PTPN5: variants seen among roughly 807,000 people sequenced by gnomAD.
PTPN5 encodes the protein tyrosine-protein phosphatase non-receptor type 5.
PTPN5 carries 29 observed loss-of-function variants against 73.9 expected under a neutral mutation model. The ratio of observed to expected loss-of-function variants is 0.39; its 90% CI spans 0.29 to 0.54. The LOEUF (loss-of-function observed/expected upper bound fraction) is 0.54, where lower values mean the gene tolerates loss of function less well. PTPN5 is among the 20% of genes least tolerant of loss of function. The pLI, the probability that PTPN5 is intolerant of heterozygous loss-of-function variation, is 0.65. For synonymous variants in PTPN5, 267 were observed against 304.7 expected (o/e 0.88, Z 1.29); for missense variants, 652 against 751.4 (o/e 0.87, Z 1.55).
intron 1 of PTPN5, among the ~76,000 whole-genome samples, chr11:18,790,116 CCAGGCAT>C (rs1212717605): frequency 5.3e-5 from 8 of 151,886 alleles, no homozygotes; most frequent in Non-Finnish European, 1.2e-4. Flanking sequence ...CCTCTCTGCA[CCAGGCAT>C]CAGGCTCAGC....
chr11:18,742,246 C>T lies in PTPN5; in HGVS notation c.725+16G>A, dbSNP rs1849395416. 15 of 1,613,522 alleles carry T rather than the reference C, an allele frequency of 9.3e-6. No individual in the cohort carries two copies. Among genetic ancestry groups the T allele is most frequent in the Non-Finnish European group, 1.1e-5 (13 of 1,179,548 alleles). The stretch of plus-strand genomic sequence containing the variant: ...TCAAGGGCCCGTGGAGCCCACCCCT[C>T]CTCCACCCCTCCCACCTCTCCTGCA... On this transcript the variant is annotated intron_variant, in intron 7 of 14. Coordinates refer to ENST00000358540, the MANE Select transcript of PTPN5 (RefSeq NM_006906.2). This position sits in a 1 kb window ranked among gnomAD's most constrained non-coding sequence, Gnocchi z 4.1.
In PTPN5 at chr11:18,748,931, G is replaced by A. The variant is rs377032179; in HGVS notation, c.98-4732C>T. Reference sequence around the variant, plus strand: ...CACGGACCACTGTGGTCCTAGGCCCGTTTGTTCTTTTGGGCTCTGTCCTGC... The same window carrying A: ...CACGGACCACTGTGGTCCTAGGCCCATTTGTTCTTTTGGGCTCTGTCCTGC... On this transcript the variant is annotated intron_variant, in intron 3 of 14. Coordinates refer to ENST00000358540, the MANE Select transcript of PTPN5 (RefSeq NM_006906.2). Among the ~76,000 whole-genome samples, 144 of 152,280 alleles carry A rather than the reference G, an allele frequency of 9.5e-4. 1 individual carries two copies. The highest frequency in any genetic ancestry group is 3.4e-3 in the African/African-American group (140 of 41,548).
Position 18,742,206 on chromosome 11 carries a change from T to C in PTPN5, c.725+56A>G. On this transcript the variant is annotated intron_variant, in intron 7 of 14. Transcript: ENST00000358540. The surrounding 1 kb of genome is among the most constrained non-coding windows in gnomAD (Gnocchi z 4.1). ...CAGAGTCAGGCATCCACTCTTCTGA[T>C]CAGGAGCTAAGAGCTCAAGGGCCCG... is the stretch of plus-strand genomic sequence containing the variant. The C allele has an allele frequency of 6.2e-7, 1 of 1,604,484 alleles. No homozygotes were observed. The highest frequency in any genetic ancestry group is 8.5e-7 in the Non-Finnish European group (1 of 1,174,598).
intron 3 of PTPN5, among the ~76,000 whole-genome samples, chr11:18,764,287 G>A (rs1476225962): frequency 6.6e-6 from 1 of 152,190 alleles, no homozygotes; most frequent in Non-Finnish European, 1.5e-5. Context: ...AATGCCTTGG[G>A]CTTACGTCAT....
intron 4 of PTPN5, 27 bp from the exon 5 acceptor site, chr11:18,743,456 A>C: frequency 1.2e-6 from 2 of 1,600,458 alleles, no homozygotes; most frequent in Non-Finnish European, 1.7e-6. Flanking sequence ...CAGGCTGAGT[A>C]TGGAGCCGGC....
intron 3 of PTPN5, among the ~76,000 whole-genome samples, chr11:18,746,195 A>ATATATATATATAT (rs377606416): frequency 5.3e-5 from 6 of 114,022 alleles, no homozygotes; most frequent in African/African-American, 9.7e-5. Flanking sequence ...ATATATATAC[A>ATATATATATATAT]TTTTTTTTTT....
At chr11:18,732,570 C>T in intron 12 of PTPN5, 22 bp downstream of exon 12, 1 of 1,593,100 alleles carries the variant, frequency 6.3e-7, no homozygotes, top group Non-Finnish European at 8.6e-7. Context: ...TCAGCTTCAC[C>T]CAGCCCTGCC....
At chr11:18,738,013 G>A in intron 8 of PTPN5, 49 bp from the exon 9 acceptor site, 1 of 1,508,742 alleles carries the variant, frequency 6.6e-7, no homozygotes, top group Non-Finnish European at 9.2e-7. Context: ...CCTCACAGAT[G>A]TTTGAATCCA....
chr11:18,746,557 A>G lies in PTPN5; in HGVS notation c.98-2358T>C, dbSNP rs535360789. ...GCATAGTGTTCAGCATTTAGTAAGT[A>G]CCCAATAAATGGCAGATTATAATGC... On this transcript the variant is annotated intron_variant, in intron 3 of 14. Transcript: ENST00000358540. 9.8e-5 allele frequency among the ~76,000 whole-genome samples: 14 copies of G among 143,234 alleles called. No individual in the cohort carries two copies. The South Asian group carries it at 2.2e-3, about 22-fold the overall frequency. The allele number at this position is 143,234 out of a possible 152,430, so 94.0% of individuals were successfully genotyped here.
intron 1 of PTPN5, among the ~76,000 whole-genome samples, chr11:18,776,346 C>G (rs113417747): frequency 1.1e-3 from 164 of 152,064 alleles, no homozygotes; most frequent in African/African-American, 3.4e-3. Flanking sequence ...AGACTCTGTT[C>G]AAATGTCACC....
upstream of PTPN5, chr11:18,792,165 G>A (rs775660278): frequency 6.6e-6 from 1 of 152,236 alleles, no homozygotes; most frequent in Non-Finnish European, 1.5e-5. Flanking sequence ...AGGGACCCCG[G>A]CAGGGCCGTG....
intron 1 of PTPN5, among the ~76,000 whole-genome samples, chr11:18,786,881 T>C (rs1851697886): frequency 6.6e-6 from 1 of 152,236 alleles, no homozygotes; most frequent in Non-Finnish European, 1.5e-5. Context: ...GTCAGTTTAC[T>C]GGAGATGATA....
chr11:18,739,847 C>T (rs1196879272), intron 8 of PTPN5, among the ~76,000 whole-genome samples: 2 of 152,228 alleles, frequency 1.3e-5, no homozygotes, highest in Admixed American at 1.3e-4. Flanking sequence ...TCAGGGCCCT[C>T]CTGCCAGGAA....
At chr11:18,756,197 A>C (rs1176584612) in intron 3 of PTPN5, among the ~76,000 whole-genome samples, 4 of 151,876 alleles carry the variant, frequency 2.6e-5, no homozygotes, top group African/African-American at 7.3e-5. Context: ...GTATTTTAAA[A>C]GGCAACATTA....
rs71486878 is a variant in PTPN5 at position 18,751,553 on chromosome 11, C to T, written c.98-7354G>A. ...GTGAGCAACACGACCAAGAGATCCA[C>T]GCAAGGAGGAGGTAGGAAGATGATA... On this transcript the variant is annotated intron_variant, in intron 3 of 14. Coordinates refer to ENST00000358540, the MANE Select transcript of PTPN5 (RefSeq NM_006906.2). Among the ~76,000 whole-genome samples the T allele has an allele frequency of 9.2e-3, 1,404 of 152,192 alleles. 12 individuals are homozygous for T. The highest frequency in any genetic ancestry group is 0.015 in the Non-Finnish European group (1,032 of 68,022).
In PTPN5 at chr11:18,742,752, G is replaced by A. The variant is rs1328763213; in HGVS notation, c.483+240C>T. On this transcript the variant is annotated intron_variant, in intron 6 of 14. Transcript: ENST00000358540. This position sits in a 1 kb window ranked among gnomAD's most constrained non-coding sequence, Gnocchi z 4.1. ...TTCAGGCCTTCTCAGTGGGGCTTGG[G>A]AGTTCCTACACCAGTCTTCTCCCTG... 6.6e-6 allele frequency among the ~76,000 whole-genome samples: 1 copy of A among 152,142 alleles called. No homozygotes were observed. The highest frequency in any genetic ancestry group is 2.4e-5 in the African/African-American group (1 of 41,426).
At chr11:18,745,766 T>C (rs145520851) in intron 3 of PTPN5, among the ~76,000 whole-genome samples, 1 of 151,976 alleles carries the variant, frequency 6.6e-6, no homozygotes, top group African/African-American at 2.4e-5. Flanking sequence ...CCCTATGGAG[T>C]TGCTACTACT....
chr11:18,771,844 T>G (rs912793656), intron 2 of PTPN5, 95 bp downstream of exon 2: 14 of 1,036,444 alleles, frequency 1.4e-5, no homozygotes, highest in East Asian at 5.0e-5. Context: ...GAACACCTCA[T>G]GAGAATGGGT....
At chr11:18,781,990 G>T (rs1313965306) in intron 1 of PTPN5, among the ~76,000 whole-genome samples, 1 of 152,338 alleles carries the variant, frequency 6.6e-6, no homozygotes, top group South Asian at 2.1e-4. Flanking sequence ...GAAAGCACAA[G>T]GTATGCCAGG....
Sources: gnomAD v4.1 joint callset for allele counts (sites outside exome capture counted in the v4.1 genomes callset) on GRCh38, gnomAD v4.1.1 for gene constraint, Gnocchi (gnomAD v3.1) non-coding constraint, MANE v1.5 for transcripts, NCBI Gene and HGNC (gene_info 2026-07-23, HGNC 2026-07-21) for gene names.